Variants in TACR3 observed in about 807,000 individuals in gnomAD.
TACR3 encodes tachykinin receptor 3, also known as neuromedin-K receptor.
TACR3 carries 34 observed loss-of-function variants against 35.0 expected under a neutral mutation model. The ratio of observed to expected loss-of-function variants is 0.97; its 90% confidence interval spans 0.74 to 1.30. The LOEUF (loss-of-function observed/expected upper bound fraction) is 1.30, where lower values mean the gene tolerates loss of function less well. TACR3 is among the 50% of genes most tolerant of loss of function. The pLI is 0.00. For synonymous variants in TACR3, 233 were observed against 221.1 expected (o/e 1.05, Z -0.48); for missense variants, 558 against 591.7 (o/e 0.94, Z 0.59).
chr4:103,611,654 C>CT (rs36108507), intron 3 of TACR3, among the ~76,000 whole-genome samples: 80,764 of 151,670 alleles, frequency 0.53, 23,856 homozygotes, highest in Non-Finnish European at 0.64. Context: ...CAAGCATTTC[C>CT]TTTTTTTTAA....
chr4:103,704,771 A>G (rs1438811031), intron 1 of TACR3, among the ~76,000 whole-genome samples: 1 of 152,178 alleles, frequency 6.6e-6, no homozygotes, highest in Non-Finnish European at 1.5e-5. Context: ...GACTACTGAT[A>G]AGTTCTTACC....
At chr4:103,670,519 G>T (rs1578251029) in intron 1 of TACR3, among the ~76,000 whole-genome samples, 1 of 151,710 alleles carries the variant, frequency 6.6e-6, no homozygotes, top group East Asian at 1.9e-4. Context: ...TCAATATAGA[G>T]ATCTCTTGCT....
At chr4:103,613,683 A>C (rs112818579) in intron 3 of TACR3, among the ~76,000 whole-genome samples, 3,492 of 152,298 alleles carry the variant, frequency 0.023, 51 homozygotes, top group Non-Finnish European at 0.034. Flanking sequence ...TTAGACTGTC[A>C]TAACAACATA....
chr4:103,682,447 A>G (rs1722121211), intron 1 of TACR3, among the ~76,000 whole-genome samples: 1 of 152,164 alleles, frequency 6.6e-6, no homozygotes, highest in South Asian at 2.1e-4. Context: ...AGACTGAGCA[A>G]GAGTGGGGAA....
chr4:103,706,974 C>A (rs1321843812), intron 1 of TACR3, among the ~76,000 whole-genome samples: 1 of 152,140 alleles, frequency 6.6e-6, no homozygotes, highest in Admixed American at 6.5e-5. Context: ...GCAGTTTTAT[C>A]TTTGTATCAA....
chr4:103,687,309 T>C (rs1230985714), intron 1 of TACR3, among the ~76,000 whole-genome samples: 6 of 152,068 alleles, frequency 3.9e-5, no homozygotes, highest in Non-Finnish European at 8.8e-5. Context: ...GGGCAAAAAC[T>C]GGAAGCATTC....
chr4:103,634,168 G>A (rs1242444381), intron 3 of TACR3, among the ~76,000 whole-genome samples: 1 of 152,050 alleles, frequency 6.6e-6, no homozygotes, highest in Non-Finnish European at 1.5e-5. Context: ...TTTCCCAAAG[G>A]ATATTTTATT....
intron 3 of TACR3, among the ~76,000 whole-genome samples, chr4:103,594,691 A>G (rs980150082): frequency 2.5e-4 from 38 of 152,306 alleles, no homozygotes; most frequent in African/African-American, 8.9e-4. Context: ...TTCAATTTTC[A>G]TAGTGCAAAA....
chr4:103,634,849 C>T (rs1725143339), intron 3 of TACR3, among the ~76,000 whole-genome samples: 2 of 152,020 alleles, frequency 1.3e-5, no homozygotes, highest in Admixed American at 1.3e-4. Context: ...TCCATTTCAC[C>T]TTTAGTTTCT....
At chr4:103,705,857 G>A (rs1186474048) in intron 1 of TACR3, among the ~76,000 whole-genome samples, 1 of 152,138 alleles carries the variant, frequency 6.6e-6, no homozygotes, top group African/African-American at 2.4e-5. Flanking sequence ...ATTATCTAAT[G>A]AAATTTTACT....
chr4:103,646,347 TAATA>T (rs1352217710), intron 3 of TACR3, among the ~76,000 whole-genome samples: 1 of 152,088 alleles, frequency 6.6e-6, no homozygotes, highest in Non-Finnish European at 1.5e-5. Flanking sequence ...TAGGAATTTT[TAATA>T]AATAATCTTT....
At chr4:103,591,881 C>T (rs1364201899) in intron 3 of TACR3, among the ~76,000 whole-genome samples, 198 bp from the exon 4 acceptor site, 2 of 152,132 alleles carry the variant, frequency 1.3e-5, no homozygotes, top group African/African-American at 4.8e-5. Context: ...TGTCACTATT[C>T]ATTTCTACCT....
At chr4:103,636,357 C>CTTA (rs1278150166) in intron 3 of TACR3, among the ~76,000 whole-genome samples, 2 of 125,514 alleles carry the variant, frequency 1.6e-5, no homozygotes, top group South Asian at 4.8e-4. Flanking sequence ...GCAGTCCCAG[C>CTTA]TTCATGAGTT....
intron 1 of TACR3, among the ~76,000 whole-genome samples, chr4:103,703,612 C>T (rs545855704): frequency 1.2e-4 from 19 of 152,082 alleles, no homozygotes; most frequent in South Asian, 8.3e-4. Flanking sequence ...GCTGCAAACC[C>T]CAGTTGTCTA....
At chr4:103,641,946 G>A (rs1272978655) in intron 3 of TACR3, among the ~76,000 whole-genome samples, 6 of 151,836 alleles carry the variant, frequency 4.0e-5, no homozygotes, top group Non-Finnish European at 7.4e-5. Flanking sequence ...GAAGTAGAGA[G>A]TAGAATGGTG....
At chr4:103,704,633 A>G (rs1190603879) in intron 1 of TACR3, among the ~76,000 whole-genome samples, 1 of 152,152 alleles carries the variant, frequency 6.6e-6, no homozygotes, top group Non-Finnish European at 1.5e-5. Flanking sequence ...AGCATGGGAG[A>G]AACCAGCCCC....
intron 3 of TACR3, among the ~76,000 whole-genome samples, chr4:103,613,996 A>T (rs1335687485): frequency 2.0e-5 from 3 of 152,246 alleles, no homozygotes; most frequent in Admixed American, 2.0e-4. Context: ...TCCCATTTTT[A>T]TGTCCTTATT....
At chr4:103,694,515 C>T (rs896719312) in intron 1 of TACR3, among the ~76,000 whole-genome samples, 1 of 152,154 alleles carries the variant, frequency 6.6e-6, no homozygotes, top group Non-Finnish European at 1.5e-5. Flanking sequence ...TTTAGCCCCT[C>T]TCCCCAACCT....
chr4:103,697,281 G>C (rs1274450628), intron 1 of TACR3, among the ~76,000 whole-genome samples: 1 of 152,156 alleles, frequency 6.6e-6, no homozygotes, highest in South Asian at 2.1e-4. Context: ...AGACTGAAAA[G>C]CTAGCAGCTA....
Sources: gnomAD v4.1 joint callset for allele counts (sites outside exome capture counted in the v4.1 genomes callset) on GRCh38, gnomAD v4.1.1 for gene constraint, MANE v1.5 for transcripts, NCBI Gene and HGNC (gene_info 2026-07-23, HGNC 2026-07-21) for gene names.